The following ILDR1 variants were observed in gnomAD, a reference collection of about 807,000 sequenced individuals.
The protein encoded by ILDR1 is immunoglobulin like domain containing receptor 1.
ILDR1 carries 56 observed loss-of-function variants against 62.4 expected under a neutral mutation model. The ratio of observed to expected loss-of-function variants is 0.90; its 90% CI spans 0.72 to 1.12. The LOEUF (loss-of-function observed/expected upper bound fraction) is 1.12, where lower values mean the gene tolerates loss of function less well. ILDR1 is among the 50% of genes most tolerant of loss of function. ILDR1 has a pLI of 0.00. For synonymous variants in ILDR1, 284 were observed against 277.8 expected, an observed-to-expected ratio of 1.02 and a Z score of -0.22; for missense variants, 736 against 710.6, an observed-to-expected ratio of 1.04 and a Z score of -0.41.
At chr3:121,998,917 C>T (rs578204765) in intron 5 of ILDR1, among the ~76,000 whole-genome samples, 1 of 152,318 alleles carries the variant, frequency 6.6e-6, no homozygotes, top group South Asian at 2.1e-4. Context: ...ATGGATTCAA[C>T]TCTGCAAAAC....
the ILDR1 span, among the ~76,000 whole-genome samples, chr3:122,029,742 G>A: frequency 7.2e-5 from 11 of 151,794 alleles, no homozygotes; most frequent in Non-Finnish European, 1.5e-4. Flanking sequence ...TGTATCTTTG[G>A]CATATTTTAT....
At chr3:122,036,424 C>A in the ILDR1 span, among the ~76,000 whole-genome samples, 1 of 151,936 alleles carries the variant, frequency 6.6e-6, no homozygotes, top group Admixed American at 6.6e-5. Flanking sequence ...CCCATCTCTA[C>A]TAAAAATACA....
In ILDR1 at chr3:121,993,734, G is replaced by C. The variant is rs1204713689; in HGVS notation, c.1015C>G (p.Leu339Val). ...TCACTGGTCCTCCTTGAGGATGACA[G>C]GTCTCTGATCAGTGGGGGCAGGTGG... The part of the protein sequence containing the change: ...IIHLPPLIRD[L>V]SSSRRTSDSL... The change falls in exon 7 of 8, where the codon CTG (leucine) becomes GTG (valine). Residue 339 changes from leucine (L) to valine (V), a missense_variant. Leu to Val is a conservative substitution (Grantham distance 32). Transcript: ENST00000344209. 1 of 1,614,182 alleles carries C rather than the reference G, an allele frequency of 6.2e-7. No homozygotes were observed. The highest frequency in any genetic ancestry group is 1.1e-5 in the South Asian group (1 of 91,086).
upstream of ILDR1, among the ~76,000 whole-genome samples, chr3:122,023,619 C>T (rs1285908587): frequency 6.6e-6 from 1 of 152,126 alleles, no homozygotes; most frequent in East Asian, 1.9e-4. Context: ...GGATCTTAAC[C>T]CAGTCTCTTC....
intron 7 of ILDR1, among the ~76,000 whole-genome samples, chr3:121,991,933 G>A (rs940696933): frequency 6.6e-6 from 1 of 152,154 alleles, no homozygotes; most frequent in Non-Finnish European, 1.5e-5. Context: ...CTCTGCTCCG[G>A]GAACTTATTT....
At chr3:122,017,479 A>G (rs915427313) in intron 1 of ILDR1, among the ~76,000 whole-genome samples, 2 of 152,224 alleles carry the variant, frequency 1.3e-5, no homozygotes, top group Non-Finnish European at 2.9e-5. Context: ...GTTTCACTGC[A>G]TTGTTGTTGG....
chr3:122,027,072 AC>A (rs754705071), upstream of ILDR1, among the ~76,000 whole-genome samples: 1 of 152,260 alleles, frequency 6.6e-6, no homozygotes. Context: ...AATAAGTCCA[AC>A]AAAATATGTG....
At chr3:122,010,955 C>G (rs1167390409) in intron 1 of ILDR1, among the ~76,000 whole-genome samples, 1 of 152,172 alleles carries the variant, frequency 6.6e-6, no homozygotes, top group Non-Finnish European at 1.5e-5. Flanking sequence ...TGTCTGTGGT[C>G]ATTCGTTTTT....
intron 5 of ILDR1, among the ~76,000 whole-genome samples, chr3:122,000,895 T>TGAA: frequency 6.6e-6 from 1 of 152,212 alleles, no homozygotes; most frequent in Non-Finnish European, 1.5e-5. Context: ...TCGAGTGGCA[T>TGAA]GTGAGAATAG....
At chr3:122,001,643 A>C in intron 4 of ILDR1, 102 bp downstream of exon 4, 1 of 1,562,458 alleles carries the variant, frequency 6.4e-7, no homozygotes. Flanking sequence ...TCCAATGACA[A>C]GAACTTAGGC....
the ILDR1 span, among the ~76,000 whole-genome samples, chr3:122,056,238 G>C: frequency 1.3e-5 from 2 of 152,214 alleles, no homozygotes; most frequent in African/African-American, 4.8e-5. Flanking sequence ...TGGTGCGCCA[G>C]AAGGTTTCTC....
chr3:122,056,732 CAGA>C, the ILDR1 span, among the ~76,000 whole-genome samples: 1 of 152,190 alleles, frequency 6.6e-6, no homozygotes, highest in Non-Finnish European at 1.5e-5. Context: ...GCTTTTATTT[CAGA>C]AGATTAAAAT....
the ILDR1 span, among the ~76,000 whole-genome samples, chr3:122,031,069 T>C: frequency 6.6e-6 from 1 of 152,256 alleles, no homozygotes; most frequent in Non-Finnish European, 1.5e-5. Flanking sequence ...CCAAAGCTCA[T>C]GGCCCTGAGA....
At chr3:122,040,148 C>A in the ILDR1 span, among the ~76,000 whole-genome samples, 40 of 151,972 alleles carry the variant, frequency 2.6e-4, no homozygotes, top group Non-Finnish European at 5.2e-4. Context: ...CATCACAAAT[C>A]AGTGGAGGAG....
At chr3:122,052,392 G>GT in the ILDR1 span, among the ~76,000 whole-genome samples, 1 of 152,088 alleles carries the variant, frequency 6.6e-6, no homozygotes. Context: ...CCACTGAACT[G>GT]TATCAGTCTG....
chr3:122,035,056 A>G, the ILDR1 span, among the ~76,000 whole-genome samples: 31 of 152,284 alleles, frequency 2.0e-4, no homozygotes, highest in Admixed American at 2.0e-3. Flanking sequence ...GAAAAATTGG[A>G]AAAAATTCTT....
At chr3:122,045,964 A>ATGTTAGCT in the ILDR1 span, among the ~76,000 whole-genome samples, 1 of 148,056 alleles carries the variant, frequency 6.8e-6, no homozygotes, top group African/African-American at 2.5e-5. Context: ...TGTCATTATG[A>ATGTTAGCT]TGTTAGCTGG....
In ILDR1 at chr3:122,000,051, A is replaced by G. The variant is rs541203058; in HGVS notation, c.646+1257T>C. Among the ~76,000 whole-genome samples, 14 of 152,052 alleles carry G rather than the reference A, an allele frequency of 9.2e-5. No individual in the cohort carries two copies. In the East Asian group the frequency reaches 2.7e-3, roughly 29 times the overall value. On this transcript the variant is annotated intron_variant, in intron 5 of 7. Transcript: ENST00000344209. ...TAAACCTCCTGGGAACCTCTTTGAA[A>G]AAAAAAAACAGCCACAGATGCATCT...
upstream of ILDR1, chr3:122,025,136 G>A (rs1292607191): frequency 6.6e-6 from 1 of 152,138 alleles, no homozygotes. Flanking sequence ...ACAAAGTTAT[G>A]ATAATAGCTA....
Sources: allele counts gnomAD v4.1 joint callset (sites outside exome capture counted in the v4.1 genomes callset), GRCh38; gene constraint gnomAD v4.1.1; transcripts MANE v1.5; gene names NCBI Gene and HGNC (gene_info 2026-07-23, HGNC 2026-07-21).